The following DDX31 variants were observed in gnomAD, a reference collection of about 807,000 sequenced individuals.
DDX31 encodes the protein DEAD-box helicase 31, also known as ATP-dependent DNA helicase DDX31.
Under a neutral mutation model 91.3 loss-of-function variants are expected in DDX31, and 70 were observed. That is an observed-to-expected ratio of 0.77 (90% CI 0.63 to 0.94). The LOEUF (loss-of-function observed/expected upper bound fraction) is 0.94, where lower values mean the gene tolerates loss of function less well. Among genes scored for constraint, DDX31 ranks in the 40% least tolerant of loss-of-function variants. The pLI is 0.00. For synonymous variants in DDX31, 362 were observed against 350.6 expected (o/e 1.03, Z -0.36); for missense variants, 902 against 925.0 (o/e 0.98, Z 0.32).
At chr9:132,641,548 T>C (rs1406252516) in intron 14 of DDX31, among the ~76,000 whole-genome samples, 1 of 152,204 alleles carries the variant, frequency 6.6e-6, no homozygotes, top group African/African-American at 2.4e-5. Context: ...AGCCTGAGGC[T>C]GAGGGAGCAG....
At position 132,669,866 on chromosome 9, in the gene DDX31, C is replaced by G. The variant is rs760666514; in HGVS notation, c.69G>C (p.Ala23=). Residue 23 remains alanine, a synonymous_variant, in exon 1 of 20, where the codon GCG becomes GCC. Coordinates refer to ENST00000372159, the MANE Select transcript of DDX31 (RefSeq NM_022779.9). ...AAGCCGGGTCAGAACTCACCCGACT[C>G]GCCTGGGCTGGGGGACGTCTGGAGA... ...RTFSRRPPAQ[A]SRQAKATKRK... 1 of 1,587,180 alleles carries G rather than the reference C, an allele frequency of 6.3e-7. No individual in the cohort carries two copies.
chr9:132,632,213 G>T (rs1030829360), intron 14 of DDX31, 122 bp from the exon 15 acceptor site: 1 of 400,722 alleles, frequency 2.5e-6, no homozygotes, highest in South Asian at 2.3e-5. Flanking sequence ...ATGCACATTC[G>T]GGCATACACG....
chr9:132,661,261 GA>G lies in DDX31; in HGVS notation c.409-11del, dbSNP rs1384328366. On this transcript the variant is annotated splice_polypyrimidine_tract_variant and intron_variant, in intron 3 of 19. Transcript: ENST00000372159. ...TATTTATTGTGGAAATCTAAAAGAG[GA>G]GATGAAAAAGCTTTAATTAATATTT... 18 of 1,588,538 alleles carry G rather than the reference GA, an allele frequency of 1.1e-5. No homozygotes were observed. The highest frequency in any genetic ancestry group is 7.2e-5 in the Admixed American group (4 of 55,942).
rs906651002 is a variant in DDX31, at chr9:132,623,601, C to T, written c.1713+2063G>A. ...AAAAGAAAAAAGAAAAAAGAAAGGT[C>T]CGATCACAGGCTGGTGACAGATGAG... On this transcript the variant is annotated intron_variant, in intron 17 of 19. Transcript: ENST00000372159. Among the ~76,000 whole-genome samples, 9 of 151,386 alleles carry T rather than the reference C, an allele frequency of 5.9e-5. No individual in the cohort carries two copies. In the Middle Eastern group the frequency reaches 0.014, roughly 229 times the overall value.
rs555427989 is a variant in DDX31 at position 132,643,514 on chromosome 9, A to C, written c.1381-1451T>G. 5.4e-4 allele frequency among the ~76,000 whole-genome samples: 83 copies of C among 152,358 alleles called. No homozygotes were observed. The South Asian group carries it at 0.016, about 30-fold the overall frequency. ...GGGCACACCTCACTGAGTACACTGG[A>C]TAAAGACATACAAACAACAAACATT... On this transcript the variant is annotated intron_variant, in intron 13 of 19. Transcript: ENST00000372159.
chr9:132,648,672 T>G (rs1260846427), intron 9 of DDX31, 121 bp from the exon 10 acceptor site: 5 of 1,185,280 alleles, frequency 4.2e-6, no homozygotes, highest in Non-Finnish European at 5.7e-6. Context: ...TGCCATAGCC[T>G]GAAATCATGA....
intron 18 of DDX31, among the ~76,000 whole-genome samples, chr9:132,613,787 G>T (rs1311382947): frequency 6.6e-6 from 1 of 152,216 alleles, no homozygotes; most frequent in African/African-American, 2.4e-5. Context: ...TCCCAGGAGG[G>T]TGGAGCTTTG....
intron 12 of DDX31, 88 bp downstream of exon 12, chr9:132,646,735 G>A (rs973029980): frequency 7.9e-7 from 1 of 1,265,236 alleles, no homozygotes; most frequent in Non-Finnish European, 1.1e-6. Flanking sequence ...CTGATTTTTG[G>A]TGTCTCAACT....
At chr9:132,639,090 C>A (rs1181726503) in intron 14 of DDX31, among the ~76,000 whole-genome samples, 1 of 152,128 alleles carries the variant, frequency 6.6e-6, no homozygotes, top group Non-Finnish European at 1.5e-5. Flanking sequence ...GATAGCCTGG[C>A]AAGCAACAGG....
chr9:132,612,156 A>G lies in DDX31; in HGVS notation c.1925T>C (p.Phe642Ser). The change falls in exon 19 of 20, where the codon TTC becomes TCC. Residue 642 changes from phenylalanine (F) to serine (S), a missense_variant. By Grantham distance (155) the Phe-to-Ser change is radical. Transcript: ENST00000372159. ...ATTCCTGGGGGCATCTCTTAGTCCG[A>G]AGCTCTTCGCCACATGCCCAAGGTG... is the stretch of plus-strand genomic sequence containing the variant. ...SLHLGHVAKS[F>S]GLRDAPRNLS... The G allele has an allele frequency of 6.2e-7, 1 of 1,614,192 alleles. No homozygotes were observed. The highest frequency in any genetic ancestry group is 1.1e-5 in the South Asian group (1 of 91,076).
At chr9:132,635,358 A>G (rs1376149996) in intron 14 of DDX31, among the ~76,000 whole-genome samples, 1 of 151,624 alleles carries the variant, frequency 6.6e-6, no homozygotes, top group Non-Finnish European at 1.5e-5. Context: ...TAAGTCTATC[A>G]TTCCTTCCAT....
At chr9:132,650,384 A>G in intron 8 of DDX31, 86 bp from the exon 9 acceptor site, 1 of 1,287,546 alleles carries the variant, frequency 7.8e-7, no homozygotes. Context: ...TCCTTAAACA[A>G]GGCATGGGAG....
At chr9:132,602,426 C>A (rs1830768249) in intron 19 of DDX31, among the ~76,000 whole-genome samples, 2 of 152,206 alleles carry the variant, frequency 1.3e-5, no homozygotes, top group South Asian at 4.1e-4. Flanking sequence ...GAGATCAGCA[C>A]TGAGCTAAGG....
chr9:132,640,900 C>T (rs1362395839), intron 14 of DDX31, among the ~76,000 whole-genome samples: 1 of 152,186 alleles, frequency 6.6e-6, no homozygotes, highest in Non-Finnish European at 1.5e-5. Context: ...GAGCATCTGA[C>T]TCGTGGATGG....
chr9:132,606,838 C>G (rs1250428175), intron 19 of DDX31, among the ~76,000 whole-genome samples: 1 of 152,156 alleles, frequency 6.6e-6, no homozygotes, highest in Non-Finnish European at 1.5e-5. Context: ...AACGGGGGTA[C>G]AGACTCCTCA....
Position 132,603,156 on chromosome 9 carries a change from C to T in DDX31, c.1995-8044G>A, listed in dbSNP as rs536818359. Among the ~76,000 whole-genome samples, 9 of 152,346 alleles carry T rather than the reference C, an allele frequency of 5.9e-5. No individual in the cohort carries two copies. The East Asian group carries it at 7.7e-4, about 13-fold the overall frequency. On this transcript the variant is annotated intron_variant, in intron 19 of 19. Transcript: ENST00000372159. The stretch of plus-strand genomic sequence containing the variant: ...CACACGTAAGCCCTCAAAAGAGATG[C>T]TGCTGCCACCGCCACGAGCACTTAA...
At position 132,625,728 on chromosome 9, in the gene DDX31, A is replaced by G. The variant is rs1342389721; in HGVS notation, c.1649T>C (p.Met550Thr). The change falls in exon 17 of 20, where the codon ATG (methionine) becomes ACG (threonine). Residue 550 changes from methionine to threonine, a missense_variant. Transcript: ENST00000372159. ...TGTCAGAACACACAAAATATCTTCCATCTTAATCTCAGAAACGCTGTAAAA... is the reference window on the plus strand; with the variant it reads ...TGTCAGAACACACAAAATATCTTCCGTCTTAATCTCAGAAACGCTGTAAAA... ...SHKINVSEIK[M>T]EDILCVLTRD... 6.2e-7 allele frequency: 1 copy of G among 1,613,576 alleles called. No individual in the cohort carries two copies. The highest frequency in any genetic ancestry group is 8.5e-7 in the Non-Finnish European group (1 of 1,179,908).
At chr9:132,599,603 T>G (rs996944138) in intron 19 of DDX31, among the ~76,000 whole-genome samples, 9 of 152,208 alleles carry the variant, frequency 5.9e-5, no homozygotes, top group African/African-American at 2.2e-4. Flanking sequence ...AAGCAAATGG[T>G]AGAATTTTGT....
intron 18 of DDX31, among the ~76,000 whole-genome samples, chr9:132,612,551 C>A (rs1219955423): frequency 3.3e-5 from 5 of 152,170 alleles, no homozygotes; most frequent in African/African-American, 1.2e-4. Flanking sequence ...CCCAGCACAG[C>A]ACCTGGTACC....
Sources: allele counts gnomAD v4.1 joint callset (sites outside exome capture counted in the v4.1 genomes callset), GRCh38; gene constraint gnomAD v4.1.1; transcripts MANE v1.5; gene names NCBI Gene and HGNC (gene_info 2026-07-23, HGNC 2026-07-21).